AKAP6: variants seen among roughly 807,000 people sequenced by gnomAD.
AKAP6 encodes the protein A-kinase anchor protein 6.
A neutral mutation model predicts 188.5 loss-of-function variants in AKAP6; 58 were observed. The ratio of observed to expected loss-of-function variants is 0.31; its 90% confidence interval spans 0.25 to 0.38. The LOEUF is 0.38. Among genes scored for constraint, AKAP6 ranks in the 10% least tolerant of loss-of-function variants. The pLI is 1.00. For synonymous variants in AKAP6, 989 were observed against 998.6 expected, an observed-to-expected ratio of 0.99 and a Z score of 0.18; for missense variants, 2,710 against 2,740.0, an observed-to-expected ratio of 0.99 and a Z score of 0.24.
intron 9 of AKAP6, among the ~76,000 whole-genome samples, chr14:32,711,453 C>A (rs778818250): frequency 2.6e-5 from 4 of 152,050 alleles, no homozygotes; most frequent in Non-Finnish European, 4.4e-5. Flanking sequence ...TAAATAGATT[C>A]ACACGGACCT....
intron 7 of AKAP6, among the ~76,000 whole-genome samples, chr14:32,604,410 A>C (rs1182854927): frequency 6.6e-6 from 1 of 152,158 alleles, no homozygotes; most frequent in African/African-American, 2.4e-5. Flanking sequence ...ACTCATCCAT[A>C]CTCAAGGATG....
At chr14:32,795,834 A>G (rs937670120) in intron 12 of AKAP6, among the ~76,000 whole-genome samples, 7 of 152,212 alleles carry the variant, frequency 4.6e-5, no homozygotes, top group Non-Finnish European at 1.5e-5. Flanking sequence ...GGAAGAGAGG[A>G]AGTCAAATCA....
chr14:32,454,350 A>G (rs1042670959), intron 2 of AKAP6, among the ~76,000 whole-genome samples: 2 of 152,174 alleles, frequency 1.3e-5, no homozygotes, highest in Non-Finnish European at 2.9e-5. Flanking sequence ...TTAGAAAGGG[A>G]ACACCCCCTT....
At chr14:32,633,587 C>T (rs1887365711) in intron 7 of AKAP6, among the ~76,000 whole-genome samples, 1 of 152,068 alleles carries the variant, frequency 6.6e-6, no homozygotes, top group Admixed American at 6.6e-5. Context: ...TTGCATGTCT[C>T]CGCTAGCTCT....
intron 1 of AKAP6, among the ~76,000 whole-genome samples, chr14:32,374,311 A>G (rs1240921028): frequency 6.6e-6 from 1 of 152,242 alleles, no homozygotes; most frequent in African/African-American, 2.4e-5. Flanking sequence ...GAGACAAAGA[A>G]TGAATATCAA....
At chr14:32,359,201 A>C (rs1287176580) in intron 1 of AKAP6, among the ~76,000 whole-genome samples, 2 of 152,180 alleles carry the variant, frequency 1.3e-5, no homozygotes. Context: ...AATTTTGGGG[A>C]AGTACAGGAT....
At chr14:32,788,035 C>A (rs1001881212) in intron 12 of AKAP6, among the ~76,000 whole-genome samples, 1 of 67,456 alleles carries the variant, frequency 1.5e-5, no homozygotes. Flanking sequence ...AGTGAGACCC[C>A]ATCTCAAAAA....
intron 11 of AKAP6, among the ~76,000 whole-genome samples, chr14:32,768,240 A>G (rs1411863507): frequency 1.3e-5 from 2 of 152,206 alleles, no homozygotes; most frequent in Non-Finnish European, 2.9e-5. Flanking sequence ...TTATTAGAGT[A>G]TAGCTTCAGG....
intron 7 of AKAP6, among the ~76,000 whole-genome samples, chr14:32,605,160 A>C (rs1886082643): frequency 6.6e-6 from 1 of 152,194 alleles, no homozygotes; most frequent in African/African-American, 2.4e-5. Flanking sequence ...ATAAATTATA[A>C]ATAATAGACA....
At chr14:32,457,441 G>A (rs1215721479) in intron 2 of AKAP6, among the ~76,000 whole-genome samples, 2 of 152,168 alleles carry the variant, frequency 1.3e-5, no homozygotes, top group Admixed American at 6.5e-5. Flanking sequence ...TTGGGTAACT[G>A]AGAGTTCTTA....
rs575919774 is a variant in AKAP6, at chr14:32,433,617, G to A, written c.124G>A (p.Ala42Thr). 2.5e-6 allele frequency: 4 copies of A among 1,614,130 alleles called. No homozygotes were observed. The African/African-American group carries it at 4.0e-5, about 16-fold the overall frequency. The change falls in exon 2 of 14, where the codon GCA becomes ACA. Residue 42 changes from alanine to threonine, a missense_variant. By Grantham distance (58) the Ala-to-Thr change is moderately conservative. Coordinates refer to ENST00000280979, the MANE Select transcript of AKAP6 (RefSeq NM_004274.5). ...TGTGGAGCAGGGTGAGGGAGAAGAG[G>A]CAATGAAGGACATGGACTCTGACCA... ...PTVEQGEGEE[A>T]MKDMDSDQQY...
intron 2 of AKAP6, among the ~76,000 whole-genome samples, chr14:32,465,069 A>G (rs967067621): frequency 1.3e-5 from 2 of 152,190 alleles, no homozygotes; most frequent in African/African-American, 2.4e-5. Context: ...ACTACAAACC[A>G]CTGCTCAAGG....
intron 8 of AKAP6, among the ~76,000 whole-genome samples, chr14:32,682,795 C>A (rs547994471): frequency 6.6e-6 from 1 of 152,086 alleles, no homozygotes; most frequent in African/African-American, 2.4e-5. Flanking sequence ...TAATGCTCAC[C>A]ACCAGTTGAG....
intron 2 of AKAP6, among the ~76,000 whole-genome samples, chr14:32,455,479 G>A (rs1255495531): frequency 1.3e-5 from 2 of 151,978 alleles, no homozygotes; most frequent in Non-Finnish European, 2.9e-5. Flanking sequence ...TAAAAATTGG[G>A]TTGTCTATTT....
chr14:32,457,622 G>A (rs968267261), intron 2 of AKAP6, among the ~76,000 whole-genome samples: 1 of 152,152 alleles, frequency 6.6e-6, no homozygotes, highest in African/African-American at 2.4e-5. Context: ...TGACCACGCT[G>A]GAAATTCCTC....
intron 2 of AKAP6, among the ~76,000 whole-genome samples, chr14:32,504,146 C>T (rs191857974): frequency 1.1e-4 from 17 of 152,136 alleles, no homozygotes; most frequent in African/African-American, 4.1e-4. Flanking sequence ...TTCCACATTT[C>T]TCTTAAGTTT....
intron 4 of AKAP6, among the ~76,000 whole-genome samples, chr14:32,555,396 AC>A (rs1566573437): frequency 6.6e-6 from 1 of 152,308 alleles, no homozygotes; most frequent in Admixed American, 6.5e-5. Context: ...TAGCATTCAT[AC>A]TGATGATAGC....
At chr14:32,340,408 G>C (rs111322055) in intron 1 of AKAP6, among the ~76,000 whole-genome samples, 9 of 152,182 alleles carry the variant, frequency 5.9e-5, no homozygotes, top group African/African-American at 1.7e-4. Flanking sequence ...TGGGAGTAAG[G>C]CACCTGAATT....
At chr14:32,445,539 A>AT (rs567935267) in intron 2 of AKAP6, among the ~76,000 whole-genome samples, 32 of 150,972 alleles carry the variant, frequency 2.1e-4, no homozygotes, top group Middle Eastern at 3.4e-3. Context: ...TGCCCAGCTA[A>AT]TTTTTTTTTG....
Sources: allele counts gnomAD v4.1 joint callset (sites outside exome capture counted in the v4.1 genomes callset), GRCh38; gene constraint gnomAD v4.1.1; transcripts MANE v1.5; gene names NCBI Gene and HGNC (gene_info 2026-07-23, HGNC 2026-07-21).